Variants in FRMPD4 observed in about 807,000 individuals in gnomAD.
FRMPD4 encodes the protein FERM and PDZ domain-containing protein 4.
Under a neutral mutation model 94.1 loss-of-function variants are expected in FRMPD4, and 22 were observed. The observed-to-expected ratio is 0.23, with a 90% CI of 0.17 to 0.33. FRMPD4 has a LOEUF of 0.33. Ranked by LOEUF, FRMPD4 falls within the 10% of genes least tolerant of loss-of-function variation. The pLI is 1.00. For synonymous variants in FRMPD4, 631 were observed against 548.6 expected, an observed-to-expected ratio of 1.15 and a Z score of -2.10; for missense variants, 1,111 against 1,339.9, an observed-to-expected ratio of 0.83 and a Z score of 2.67.
chrX:11,955,495 T>TATGC (rs1442343284), intron 3 of FRMPD4, among the ~76,000 whole-genome samples: 1 of 110,119 alleles, frequency 9.1e-6, no homozygotes, highest in East Asian at 2.8e-4. Flanking sequence ...TGTATGTATG[T>TATGC]ATGTATGTAT....
chrX:12,224,259 T>A (rs1487340402), intron 1 of FRMPD4, among the ~76,000 whole-genome samples: 1 of 111,658 alleles, frequency 9.0e-6, no homozygotes, highest in Non-Finnish European at 1.9e-5. Flanking sequence ...TATTTTATCT[T>A]ATTTTTTGAG....
At chrX:12,592,485 A>G (rs997099335) in intron 2 of FRMPD4, among the ~76,000 whole-genome samples, 1 of 112,141 alleles carries the variant, frequency 8.9e-6, no homozygotes, top group Non-Finnish European at 1.9e-5. Context: ...TGTAACTGCC[A>G]ATTAGCTTTG....
chrX:12,491,138 C>T (rs2057789200), intron 1 of FRMPD4, among the ~76,000 whole-genome samples: 1 of 111,061 alleles, frequency 9.0e-6, no homozygotes, highest in Admixed American at 9.6e-5. Flanking sequence ...TCCAGCGATT[C>T]CACCAAGAAT....
At chrX:12,498,892 T>C (rs1021087478) in intron 2 of FRMPD4, 96 bp downstream of exon 2, 1 of 460,237 alleles carries the variant, frequency 2.2e-6, no homozygotes, top group Non-Finnish European at 3.7e-6. Flanking sequence ...TAGGCACTCA[T>C]AGGCATTTGG....
At chrX:12,495,291 T>C (rs1176894208) in intron 1 of FRMPD4, among the ~76,000 whole-genome samples, 5 of 112,186 alleles carry the variant, frequency 4.5e-5, no homozygotes, top group African/African-American at 1.6e-4. Flanking sequence ...ATTATAGTTA[T>C]TTAGCAAAGA....
intron 1 of FRMPD4, among the ~76,000 whole-genome samples, chrX:12,162,823 C>T (rs2056047016): frequency 9.0e-6 from 1 of 111,523 alleles, no homozygotes; most frequent in Non-Finnish European, 1.9e-5. Flanking sequence ...GCCAAACATA[C>T]ACTCTGCTTA....
intron 3 of FRMPD4, among the ~76,000 whole-genome samples, chrX:11,991,234 T>G (rs1428703393): frequency 8.9e-6 from 1 of 111,815 alleles, no homozygotes; most frequent in Non-Finnish European, 1.9e-5. Context: ...TGTGCTTGTG[T>G]GAACACCAGG....
intron 1 of FRMPD4, among the ~76,000 whole-genome samples, chrX:12,388,869 T>G (rs1279023532): frequency 2.2e-5 from 2 of 91,990 alleles, no homozygotes; most frequent in Non-Finnish European, 4.0e-5. Flanking sequence ...TGGAGTACTA[T>G]TCAGCCTTTA....
chrX:12,576,474 A>T (rs1232499474), intron 2 of FRMPD4, among the ~76,000 whole-genome samples: 1 of 112,786 alleles, frequency 8.9e-6, no homozygotes. Context: ...TATTTATACC[A>T]TACCACATCC....
chrX:12,227,674 G>A (rs977617287), intron 1 of FRMPD4, among the ~76,000 whole-genome samples: 1 of 111,262 alleles, frequency 9.0e-6, no homozygotes, highest in Admixed American at 9.5e-5. Context: ...GATGGCATGT[G>A]CCTGTGGTCC....
At chrX:12,014,089 A>G (rs762753496) in intron 3 of FRMPD4, among the ~76,000 whole-genome samples, 3 of 111,925 alleles carry the variant, frequency 2.7e-5, no homozygotes, top group Non-Finnish European at 1.9e-5. Flanking sequence ...CATGCCATGA[A>G]TGGAGAGGAG....
chrX:11,840,675 G>A (rs940105652), intron 1 of FRMPD4, among the ~76,000 whole-genome samples: 15 of 108,867 alleles, frequency 1.4e-4, no homozygotes, highest in African/African-American at 5.0e-4. Context: ...GTAGCTATAA[G>A]TGATTTTGTG....
intron 13 of FRMPD4, among the ~76,000 whole-genome samples, chrX:12,710,043 G>A (rs899689817): frequency 3.6e-5 from 4 of 111,240 alleles, no homozygotes; most frequent in Non-Finnish European, 7.5e-5. Flanking sequence ...CATAAGAATC[G>A]CTTAAACCCA....
intron 3 of FRMPD4, among the ~76,000 whole-genome samples, chrX:11,914,785 A>G (rs1009808801): frequency 1.8e-5 from 2 of 112,264 alleles, no homozygotes; most frequent in Non-Finnish European, 3.8e-5. Context: ...ATTTCTGTGG[A>G]TATTATTATT....
At chrX:12,454,725 C>T (rs190725234) in intron 1 of FRMPD4, among the ~76,000 whole-genome samples, 1 of 110,326 alleles carries the variant, frequency 9.1e-6, no homozygotes, top group East Asian at 2.8e-4. Flanking sequence ...GTGAGCTGAT[C>T]CTTCCAGCAC....
chrX:11,947,856 G>A (rs1461464757), intron 3 of FRMPD4, among the ~76,000 whole-genome samples: 3 of 110,983 alleles, frequency 2.7e-5, no homozygotes, highest in Non-Finnish European at 5.7e-5. Context: ...GGAGGCTGAG[G>A]CAGGAGGATC....
chrX:12,009,553 C>A (rs1261348268), intron 3 of FRMPD4, among the ~76,000 whole-genome samples: 8 of 112,137 alleles, frequency 7.1e-5, no homozygotes, highest in Non-Finnish European at 1.5e-4. Context: ...ACAATCAATA[C>A]CAAATAGTAA....
At chrX:12,563,239 TACACACACACACACAC>T (rs369700317) in intron 2 of FRMPD4, among the ~76,000 whole-genome samples, 8 of 97,279 alleles carry the variant, frequency 8.2e-5, no homozygotes, top group Middle Eastern at 5.3e-3. Context: ...TGTAAGTGTG[TACACACACACACACAC>T]ACACACACAC....
At chrX:12,552,233 G>A (rs1268932714) in intron 2 of FRMPD4, among the ~76,000 whole-genome samples, 1 of 111,771 alleles carries the variant, frequency 8.9e-6, no homozygotes, top group African/African-American at 3.3e-5. Context: ...TATTACTACT[G>A]AGTTGTTCAC....
Sources: gnomAD v4.1 joint callset for allele counts (sites outside exome capture counted in the v4.1 genomes callset) on GRCh38, gnomAD v4.1.1 for gene constraint, MANE v1.5 for transcripts, NCBI Gene and HGNC (gene_info 2026-07-23, HGNC 2026-07-21) for gene names.